Variants in ERBB4 observed in about 807,000 individuals in gnomAD.
ERBB4 encodes receptor tyrosine-protein kinase erbB-4.
A neutral mutation model predicts 158.0 loss-of-function variants in ERBB4; 42 were observed. That is an observed-to-expected ratio of 0.27 (90% CI 0.21 to 0.34). The LOEUF is 0.34. Among genes scored for constraint, ERBB4 ranks in the 10% least tolerant of loss-of-function variants. The pLI, the probability that ERBB4 is intolerant of heterozygous loss-of-function variation, is 1.00. For synonymous variants in ERBB4, 583 were observed against 558.7 expected (o/e 1.04, Z -0.61); for missense variants, 1,333 against 1,624.1 (o/e 0.82, Z 3.08).
Position 211,705,385 on chromosome 2 carries a change from A to C in ERBB4, c.1131T>G (p.Pro377=), listed in dbSNP as rs1385672291. The change falls in exon 10 of 28, where the codon CCT becomes CCG. Residue 377 remains proline, a synonymous_variant. Coordinates refer to ENST00000342788, the MANE Select transcript of ERBB4 (RefSeq NM_005235.3). The part of the protein sequence containing the change: ...IFLVTGIHGD[P]YNAIEAIDPE... ...GGTCTATGGCTTCAATTGCATTGTA[A>C]GGGTCCCTAGAAAATCAAGAAGAGA... is the stretch of plus-strand genomic sequence containing the variant. 3 of 1,608,030 alleles carry C rather than the reference A, an allele frequency of 1.9e-6. No individual in the cohort carries two copies. Among genetic ancestry groups the C allele is most frequent in the Non-Finnish European group, 8.5e-7 (1 of 1,174,510 alleles).
intron 20 of ERBB4, among the ~76,000 whole-genome samples, chr2:211,507,443 A>G (rs2125605063): frequency 6.6e-6 from 1 of 152,270 alleles, no homozygotes; most frequent in South Asian, 2.1e-4. Context: ...TTGGCTATTC[A>G]GGCTATTTAT....
chr2:211,754,360 G>A (rs1326085385), intron 4 of ERBB4, among the ~76,000 whole-genome samples: 5 of 151,230 alleles, frequency 3.3e-5, no homozygotes, highest in African/African-American at 1.2e-4. Context: ...CCACTTCCAT[G>A]TCTCAACCTG....
intron 25 of ERBB4, among the ~76,000 whole-genome samples, chr2:211,407,516 G>GTAGAT (rs1407920675): frequency 2.6e-5 from 4 of 152,120 alleles, no homozygotes; most frequent in Non-Finnish European, 4.4e-5. Flanking sequence ...TAAATTGGTT[G>GTAGAT]TAGATTAAAC....
chr2:212,420,238 T>C (rs2091762412), intron 1 of ERBB4, among the ~76,000 whole-genome samples: 1 of 152,022 alleles, frequency 6.6e-6, no homozygotes, highest in Non-Finnish European at 1.5e-5. Context: ...CTGAAAACTG[T>C]TCCAAGAAGT....
chr2:211,421,871 C>T (rs1019088415), intron 24 of ERBB4, 136 bp downstream of exon 24: 7 of 692,730 alleles, frequency 1.0e-5, no homozygotes, highest in South Asian at 6.2e-5. Flanking sequence ...TTCCATAAGT[C>T]ATGTCACATG....
intron 1 of ERBB4, among the ~76,000 whole-genome samples, chr2:212,438,745 A>C (rs777305375): frequency 1.3e-5 from 2 of 152,068 alleles, no homozygotes; most frequent in Admixed American, 6.6e-5. Context: ...TCAAAATTAC[A>C]ATTTGGTAAG....
intron 7 of ERBB4, among the ~76,000 whole-genome samples, chr2:211,721,012 G>C (rs956766466): frequency 2.1e-4 from 32 of 152,272 alleles, no homozygotes; most frequent in Non-Finnish European, 4.0e-4. Flanking sequence ...GCCTGCACAC[G>C]TGCCATTTTA....
intron 20 of ERBB4, among the ~76,000 whole-genome samples, chr2:211,542,531 T>C (rs1188682423): frequency 6.6e-6 from 1 of 152,034 alleles, no homozygotes; most frequent in East Asian, 1.9e-4. Flanking sequence ...TGGGTGACTA[T>C]GCTTCTCAAT....
chr2:211,512,182 A>C (rs891361034), intron 20 of ERBB4, among the ~76,000 whole-genome samples: 2 of 152,162 alleles, frequency 1.3e-5, no homozygotes, highest in African/African-American at 2.4e-5. Flanking sequence ...TTGAAGAACG[A>C]AAGTGCGCTC....
chr2:211,389,959 G>A (rs1025596482), intron 25 of ERBB4, among the ~76,000 whole-genome samples: 2 of 152,112 alleles, frequency 1.3e-5, no homozygotes, highest in African/African-American at 4.8e-5. Context: ...ATTTTAAAAT[G>A]CTCACCTGTT....
At chr2:212,233,831 ATGTAT>A (rs1323658509) in intron 1 of ERBB4, among the ~76,000 whole-genome samples, 6 of 151,944 alleles carry the variant, frequency 3.9e-5, no homozygotes, top group Non-Finnish European at 5.9e-5. Flanking sequence ...ACTTTTGTGC[ATGTAT>A]TTATCTTATT....
At position 211,520,135 on chromosome 2, in the gene ERBB4, G is replaced by T. The variant is rs189851935; in HGVS notation, c.2487+41768C>A. 2.6e-5 allele frequency among the ~76,000 whole-genome samples: 4 copies of T among 152,146 alleles called. No individual in the cohort carries two copies. In the East Asian group the frequency reaches 5.8e-4, roughly 22 times the overall value. ...TTAGCTTTAGAATTTTTTTTGAAAG[G>T]TATGTAATGTGCTTTAGCAATACAT... On this transcript the variant is annotated intron_variant, in intron 20 of 27. Coordinates refer to ENST00000342788, the MANE Select transcript of ERBB4 (RefSeq NM_005235.3).
At chr2:211,833,063 TAA>T (rs754071150) in intron 3 of ERBB4, among the ~76,000 whole-genome samples, 2 of 151,854 alleles carry the variant, frequency 1.3e-5, no homozygotes. Flanking sequence ...AAATAATATA[TAA>T]GAGTAGATAT....
intron 17 of ERBB4, among the ~76,000 whole-genome samples, chr2:211,628,860 T>C (rs2069974670): frequency 6.6e-6 from 1 of 152,186 alleles, no homozygotes; most frequent in Admixed American, 6.5e-5. Flanking sequence ...ATGATCGCCA[T>C]TCTAACTGGT....
chr2:212,187,898 T>A (rs1022725463), intron 1 of ERBB4, among the ~76,000 whole-genome samples: 11 of 152,166 alleles, frequency 7.2e-5, no homozygotes, highest in African/African-American at 2.4e-4. Flanking sequence ...TATATGGCAA[T>A]ATGTTACCAC....
intron 20 of ERBB4, among the ~76,000 whole-genome samples, chr2:211,557,772 T>C (rs913495631): frequency 2.0e-5 from 3 of 152,162 alleles, no homozygotes; most frequent in Non-Finnish European, 4.4e-5. Context: ...CCTGGGTATA[T>C]ACCCACAGGA....
chr2:212,467,117 G>A (rs112919157), intron 1 of ERBB4, among the ~76,000 whole-genome samples: 2 of 152,122 alleles, frequency 1.3e-5, no homozygotes, highest in African/African-American at 4.8e-5. Flanking sequence ...CTTGGGTGTT[G>A]TCAAGGGCAT....
intron 1 of ERBB4, among the ~76,000 whole-genome samples, chr2:212,139,607 G>A (rs560529058): frequency 2.2e-4 from 34 of 151,296 alleles, no homozygotes; most frequent in African/African-American, 4.9e-4. Context: ...TCAATTGTAC[G>A]TTTTAAATTA....
chr2:211,747,773 C>T (rs1274377384), intron 5 of ERBB4, among the ~76,000 whole-genome samples: 1 of 151,496 alleles, frequency 6.6e-6, no homozygotes, highest in East Asian at 1.9e-4. Flanking sequence ...ACATTTTTTA[C>T]TCATATATCT....
Sources: allele counts gnomAD v4.1 joint callset (sites outside exome capture counted in the v4.1 genomes callset), GRCh38; gene constraint gnomAD v4.1.1; transcripts MANE v1.5; gene names NCBI Gene and HGNC (gene_info 2026-07-23, HGNC 2026-07-21).